ESRRG: variants seen among roughly 807,000 people sequenced by gnomAD.
The protein encoded by ESRRG is estrogen-related receptor gamma.
ESRRG carries 13 observed loss-of-function variants against 44.0 expected under a neutral mutation model. The ratio of observed to expected loss-of-function variants is 0.30; its 90% CI spans 0.19 to 0.47. The LOEUF (loss-of-function observed/expected upper bound fraction) is 0.47. Among genes scored for constraint, ESRRG ranks in the 20% least tolerant of loss-of-function variants. The pLI is 1.00. For missense variants in ESRRG, 395 were observed against 580.6 expected (o/e 0.68, Z 3.29); for synonymous variants, 215 against 214.6 (o/e 1.00, Z -0.02).
At chr1:217,076,108 G>T (rs4846812) in intron 1 of ESRRG, among the ~76,000 whole-genome samples, 22,229 of 152,096 alleles carry the variant, frequency 0.15, 2,316 homozygotes, top group East Asian at 0.56. Flanking sequence ...GTATGTGGAA[G>T]GAAGTATGGC....
At chr1:216,891,944 C>A (rs2057855899) in intron 2 of ESRRG, among the ~76,000 whole-genome samples, 1 of 151,812 alleles carries the variant, frequency 6.6e-6, no homozygotes, top group African/African-American at 2.4e-5. Context: ...GGAGCTGGGA[C>A]AACAGGCATG....
At chr1:216,675,143 G>A (rs931608873) in intron 2 of ESRRG, among the ~76,000 whole-genome samples, 3 of 151,778 alleles carry the variant, frequency 2.0e-5, no homozygotes, top group Admixed American at 1.3e-4. Context: ...GGTGGATCAC[G>A]TGAGGTCGGG....
intron 1 of ESRRG, among the ~76,000 whole-genome samples, chr1:217,082,098 C>T (rs147256419): frequency 1.1e-3 from 173 of 152,344 alleles, no homozygotes; most frequent in Middle Eastern, 3.4e-3. Context: ...AGCTGCCCTG[C>T]AACTACTTCA....
chr1:217,104,970 C>A (rs896370864), intron 1 of ESRRG, among the ~76,000 whole-genome samples: 2 of 151,996 alleles, frequency 1.3e-5, no homozygotes, highest in African/African-American at 4.8e-5. Flanking sequence ...ATGATCATGG[C>A]TAATCATGTT....
intron 1 of ESRRG, among the ~76,000 whole-genome samples, chr1:216,951,055 G>A (rs933903123): frequency 6.6e-6 from 1 of 152,150 alleles, no homozygotes; most frequent in Non-Finnish European, 1.5e-5. Flanking sequence ...GAGTGGAAAA[G>A]ACCAGCAGTA....
At chr1:216,912,882 G>A (rs940225798) in intron 2 of ESRRG, among the ~76,000 whole-genome samples, 3 of 151,992 alleles carry the variant, frequency 2.0e-5, no homozygotes, top group African/African-American at 7.3e-5. Context: ...AGCACTTTGG[G>A]AGGCTGAGGT....
chr1:217,060,788 C>CTAGATAGATAGATAGA (rs61465430), intron 1 of ESRRG, among the ~76,000 whole-genome samples: 13 of 65,512 alleles, frequency 2.0e-4, no homozygotes, highest in African/African-American at 3.4e-4. Flanking sequence ...ATATTGAACA[C>CTAGATAGATAGATAGA]TAGATAGATA....
chr1:217,018,920 A>C (rs1209306816), intron 1 of ESRRG, among the ~76,000 whole-genome samples: 1 of 152,162 alleles, frequency 6.6e-6, no homozygotes, highest in Non-Finnish European at 1.5e-5. Context: ...ACTCTTAAAT[A>C]GGCATCCCTG....
intron 2 of ESRRG, among the ~76,000 whole-genome samples, chr1:216,660,887 C>T (rs2072167356): frequency 6.6e-6 from 1 of 152,068 alleles, no homozygotes; most frequent in Non-Finnish European, 1.5e-5. Flanking sequence ...CCAAACAGAG[C>T]ATGTCACCAA....
intron 1 of ESRRG, among the ~76,000 whole-genome samples, chr1:217,061,455 A>G (rs1296867412): frequency 6.6e-6 from 1 of 152,166 alleles, no homozygotes; most frequent in African/African-American, 2.4e-5. Flanking sequence ...CACGCTTCCA[A>G]TTCAAAGGAT....
chr1:217,052,944 A>C (rs1284524133), intron 1 of ESRRG, among the ~76,000 whole-genome samples: 1 of 152,136 alleles, frequency 6.6e-6, no homozygotes, highest in East Asian at 1.9e-4. Context: ...CTAAAGATGG[A>C]CATGGAGATC....
chr1:216,532,131 G>GAAA (rs539424071), intron 5 of ESRRG, among the ~76,000 whole-genome samples: 2 of 139,584 alleles, frequency 1.4e-5, no homozygotes, highest in African/African-American at 5.2e-5. Context: ...AGAAATGGAG[G>GAAA]AAAAAAAAAA....
intron 3 of ESRRG, among the ~76,000 whole-genome samples, chr1:216,628,712 C>A (rs370452566): frequency 4.1e-4 from 62 of 152,074 alleles, no homozygotes; most frequent in African/African-American, 1.4e-3. Context: ...CCATAGTGTT[C>A]CTACTAAAAC....
At chr1:216,647,526 G>C (rs1401022727) in intron 3 of ESRRG, among the ~76,000 whole-genome samples, 1 of 152,068 alleles carries the variant, frequency 6.6e-6, no homozygotes, top group African/African-American at 2.4e-5. Flanking sequence ...AAAATCAAAT[G>C]TAGTGTATTC....
chr1:216,973,515 T>G (rs1578895474), intron 1 of ESRRG, among the ~76,000 whole-genome samples: 2 of 152,164 alleles, frequency 1.3e-5, no homozygotes, highest in African/African-American at 4.8e-5. Flanking sequence ...TGGACCCATA[T>G]GCAGATGTTA....
chr1:216,914,636 C>T (rs974055070), intron 2 of ESRRG, among the ~76,000 whole-genome samples: 9 of 152,146 alleles, frequency 5.9e-5, no homozygotes, highest in South Asian at 2.1e-4. Flanking sequence ...CTTAATAGTG[C>T]CAGTGGTTTG....
intron 3 of ESRRG, among the ~76,000 whole-genome samples, chr1:216,590,990 T>G (rs1341696628): frequency 6.6e-6 from 1 of 152,212 alleles, no homozygotes. Context: ...AGGAAGATAC[T>G]TGGTCTTTGT....
At chr1:217,007,921 C>CAAGAG (rs2150744629) in intron 1 of ESRRG, among the ~76,000 whole-genome samples, 1 of 152,140 alleles carries the variant, frequency 6.6e-6, no homozygotes, top group African/African-American at 2.4e-5. Flanking sequence ...GAGATGAGTC[C>CAAGAG]AAGAGAAGAG....
At chr1:217,054,989 A>G (rs2086797364) in intron 1 of ESRRG, among the ~76,000 whole-genome samples, 2 of 152,182 alleles carry the variant, frequency 1.3e-5, no homozygotes, top group African/African-American at 2.4e-5. Context: ...GCACAGGCAG[A>G]GGTGAATTCA....
Sources: allele counts gnomAD v4.1 joint callset (sites outside exome capture counted in the v4.1 genomes callset), GRCh38; gene constraint gnomAD v4.1.1; transcripts MANE v1.5; gene names NCBI Gene and HGNC (gene_info 2026-07-23, HGNC 2026-07-21).